The following IMMP2L variants were observed in gnomAD, a reference collection of about 807,000 sequenced individuals.
IMMP2L encodes mitochondrial inner membrane protease subunit 2.
Under a neutral mutation model 19.3 loss-of-function variants are expected in IMMP2L, and 18 were observed. The ratio of observed to expected loss-of-function variants is 0.93; its 90% confidence interval spans 0.64 to 1.38. IMMP2L has a LOEUF of 1.38. Among genes scored for constraint, IMMP2L ranks in the 40% most tolerant of loss-of-function variants. IMMP2L has a pLI of 0.00. For synonymous variants in IMMP2L, 76 were observed against 73.0 expected, an observed-to-expected ratio of 1.04 and a Z score of -0.21; for missense variants, 233 against 218.2, an observed-to-expected ratio of 1.07 and a Z score of -0.43.
chr7:110,815,506 T>C (rs2131297682), intron 5 of IMMP2L, among the ~76,000 whole-genome samples: 1 of 152,262 alleles, frequency 6.6e-6, no homozygotes, highest in Non-Finnish European at 1.5e-5. Flanking sequence ...GGATTTCCTC[T>C]TTTTCTATTG....
chr7:110,934,864 T>C (rs1477533049), intron 4 of IMMP2L, among the ~76,000 whole-genome samples: 2 of 152,208 alleles, frequency 1.3e-5, no homozygotes, highest in African/African-American at 4.8e-5. Context: ...TATTCCTCCA[T>C]ACCTTTATTT....
intron 3 of IMMP2L, among the ~76,000 whole-genome samples, chr7:111,057,380 T>A (rs1456263397): frequency 6.6e-6 from 1 of 150,838 alleles, no homozygotes; most frequent in Non-Finnish European, 1.5e-5. Flanking sequence ...ACAATAGTCT[T>A]TTTCTATTGT....
At chr7:111,080,420 T>C (rs1795789331) in intron 3 of IMMP2L, among the ~76,000 whole-genome samples, 2 of 151,832 alleles carry the variant, frequency 1.3e-5, no homozygotes, top group African/African-American at 2.4e-5. Context: ...ACGTATATAC[T>C]TATATACACA....
chr7:111,034,010 T>C (rs1791089030), intron 3 of IMMP2L, among the ~76,000 whole-genome samples: 1 of 152,150 alleles, frequency 6.6e-6, no homozygotes, highest in Non-Finnish European at 1.5e-5. Flanking sequence ...GGGAGAAGAA[T>C]AACTGCAAAA....
At chr7:111,102,364 G>T (rs1445616959) in intron 3 of IMMP2L, among the ~76,000 whole-genome samples, 1 of 151,436 alleles carries the variant, frequency 6.6e-6, no homozygotes, top group Non-Finnish European at 1.5e-5. Flanking sequence ...TGCCTTATCT[G>T]TGAAGGGCCC....
At chr7:111,036,158 T>C (rs917074110) in intron 3 of IMMP2L, among the ~76,000 whole-genome samples, 7 of 152,180 alleles carry the variant, frequency 4.6e-5, no homozygotes, top group African/African-American at 1.4e-4. Flanking sequence ...AGAACTAACA[T>C]AAGAAACACA....
chr7:111,123,938 T>C lies in IMMP2L; in HGVS notation c.240-160373A>G, dbSNP rs1416232645. On this transcript the variant is annotated intron_variant, in intron 3 of 5. Transcript: ENST00000405709. The surrounding 1 kb of genome is among the most constrained non-coding windows in gnomAD (Gnocchi z 6.4). ...ATGAACAAAACCAACATTCGATTCA[T>C]GGAGCCAGATTCACTGTTTTGCGTG... The C allele has an allele frequency of 1.9e-6, 3 of 1,614,032 alleles. No homozygotes were observed. The highest frequency in any genetic ancestry group is 2.5e-6 in the Non-Finnish European group (3 of 1,180,010).
intron 3 of IMMP2L, among the ~76,000 whole-genome samples, chr7:111,338,593 AG>A (rs1826696295): frequency 6.6e-6 from 1 of 152,158 alleles, no homozygotes; most frequent in African/African-American, 2.4e-5. Context: ...AGGATCTTAT[AG>A]CACAAAAAGC....
At chr7:111,548,811 C>T (rs1237952053) in intron 1 of IMMP2L, among the ~76,000 whole-genome samples, 1 of 152,176 alleles carries the variant, frequency 6.6e-6, no homozygotes, top group Non-Finnish European at 1.5e-5. Flanking sequence ...ATCTTTCCAT[C>T]TAATTCTACC....
intron 5 of IMMP2L, among the ~76,000 whole-genome samples, chr7:110,867,995 A>T (rs1468393219): frequency 1.3e-5 from 2 of 152,034 alleles, no homozygotes; most frequent in East Asian, 1.9e-4. Context: ...AGTAATCAAC[A>T]TAGGGAGCAA....
intron 3 of IMMP2L, among the ~76,000 whole-genome samples, chr7:111,310,529 C>G (rs1823401287): frequency 6.6e-6 from 1 of 152,038 alleles, no homozygotes; most frequent in South Asian, 2.1e-4. Context: ...GCTTTAAGCA[C>G]TAATTAACAC....
At chr7:111,050,127 G>A (rs1406691903) in intron 3 of IMMP2L, among the ~76,000 whole-genome samples, 1 of 152,224 alleles carries the variant, frequency 6.6e-6, no homozygotes, top group African/African-American at 2.4e-5. Context: ...CCAAAATGAA[G>A]TATATAATAG....
intron 5 of IMMP2L, among the ~76,000 whole-genome samples, chr7:110,674,243 G>T (rs1792129049): frequency 6.6e-6 from 1 of 152,110 alleles, no homozygotes; most frequent in South Asian, 2.1e-4. Context: ...GATCCCATGA[G>T]AACTCAGTCA....
rs572585334 is a variant in IMMP2L at position 111,390,362 on chromosome 7, T to C, written c.239+96876A>G. On this transcript the variant is annotated intron_variant, in intron 3 of 5. Coordinates refer to ENST00000405709, the MANE Select transcript of IMMP2L (RefSeq NM_032549.4). ...TCTTCCTTTCCCCAGGGATGATCCC[T>C]AAAATACATCTCACACCCCAAACTC... Among the ~76,000 whole-genome samples the C allele has an allele frequency of 1.6e-4, 25 of 152,248 alleles. 1 individual carries two copies. Among genetic ancestry groups the C allele is most frequent in the African/African-American group, 5.8e-4 (24 of 41,566 alleles).
intron 3 of IMMP2L, among the ~76,000 whole-genome samples, chr7:111,026,548 G>A (rs564900376): frequency 6.6e-6 from 1 of 151,988 alleles, no homozygotes; most frequent in Non-Finnish European, 1.5e-5. Flanking sequence ...AATTATGGGC[G>A]ACTTTCCATT....
chr7:110,852,593 G>C (rs1224860523), intron 5 of IMMP2L, among the ~76,000 whole-genome samples: 1 of 152,046 alleles, frequency 6.6e-6, no homozygotes, highest in African/African-American at 2.4e-5. Context: ...GCAAATCTGG[G>C]GAGGAGGACA....
In IMMP2L at chr7:110,899,118, T is replaced by A. The variant is rs538817356; in HGVS notation, c.306-12423A>T. 3.3e-5 allele frequency among the ~76,000 whole-genome samples: 5 copies of A among 152,148 alleles called. No homozygotes were observed. The South Asian group carries it at 8.3e-4, about 25-fold the overall frequency. Reference sequence around the variant, plus strand: ...GCAATGATTATGAAACTATTTGATCTTCAAAGTACAGAACGATACAGTATC... The same window carrying A: ...GCAATGATTATGAAACTATTTGATCATCAAAGTACAGAACGATACAGTATC... On this transcript the variant is annotated intron_variant, in intron 4 of 5. Transcript: ENST00000405709.
chr7:111,447,831 C>A (rs1838667070), intron 3 of IMMP2L, among the ~76,000 whole-genome samples: 1 of 151,632 alleles, frequency 6.6e-6, no homozygotes, highest in Non-Finnish European at 1.5e-5. Context: ...TGCAGAGACA[C>A]ACATAGGCTC....
intron 3 of IMMP2L, among the ~76,000 whole-genome samples, chr7:111,289,210 C>G (rs1563016166): frequency 6.6e-6 from 1 of 151,022 alleles, no homozygotes; most frequent in Admixed American, 6.6e-5. Context: ...TAAGTGGGAG[C>G]TGATCAATGA....
Sources: gnomAD v4.1 joint callset for allele counts (sites outside exome capture counted in the v4.1 genomes callset) on GRCh38, gnomAD v4.1.1 for gene constraint, Gnocchi (gnomAD v3.1) non-coding constraint, MANE v1.5 for transcripts, NCBI Gene and HGNC (gene_info 2026-07-23, HGNC 2026-07-21) for gene names.